AMACR: variants seen among roughly 807,000 people sequenced by gnomAD.
The protein encoded by AMACR is alpha-methylacyl-CoA racemase.
A neutral mutation model predicts 22.2 loss-of-function variants in AMACR; 18 were observed. The observed-to-expected ratio is 0.81, with a 90% CI of 0.56 to 1.20. AMACR has a LOEUF of 1.20. AMACR is among the 50% of genes most tolerant of loss of function. AMACR has a pLI of 0.00. For missense variants in AMACR, 499 were observed against 490.6 expected, an observed-to-expected ratio of 1.02 and a Z score of -0.16; for synonymous variants, 213 against 191.3, an observed-to-expected ratio of 1.11 and a Z score of -0.94.
In AMACR at chr5:34,007,934, G is replaced by C. The variant is rs773277129; in HGVS notation, c.86C>G (p.Ala29Gly). 8 of 1,610,278 alleles carry C rather than the reference G, an allele frequency of 5.0e-6. No homozygotes were observed. In the Admixed American group the frequency reaches 8.3e-5, roughly 17 times the overall value. The change falls in exon 1 of 5, where the codon GCG becomes GGG. Residue 29 changes from alanine (A) to glycine (G), a missense_variant. Ala to Gly is a moderately conservative substitution (Grantham distance 60). Transcript: ENST00000335606. The stretch of plus-strand genomic sequence containing the variant: ...GGGCCGGTCCACGCGTACCACACGC[G>C]CCCCGAAGTCAGCCAGGACCATAGC... Reference protein sequence around the residue: ...FCAMVLADFGARVVRVDRPGS... With the variant: ...FCAMVLADFGGRVVRVDRPGS...
At position 33,988,385 on chromosome 5, in the gene AMACR, A is replaced by C. The variant is rs988370179; in HGVS notation, c.*708T>G. 6.5e-7 allele frequency: 1 copy of C among 1,538,144 alleles called. No individual in the cohort carries two copies. The highest frequency in any genetic ancestry group is 8.7e-7 in the Non-Finnish European group (1 of 1,147,428). On this transcript the variant is annotated 3_prime_UTR_variant, in exon 5 of 5. Coordinates refer to ENST00000335606, the MANE Select transcript of AMACR (RefSeq NM_014324.6). ...GCCTGAGGAGAAATCAAACACATGG[A>C]GAAAGGAAAGCTGACAGCCCAGAGA...
rs770311997 is a variant in AMACR, at chr5:33,989,059, G to A, written c.*34C>T. ...TGTGTTACTCTACACTGTAAATGCA[G>A]TATTCAAATTCACTTGAGCCGTGGG... On this transcript the variant is annotated 3_prime_UTR_variant, in exon 5 of 5. Transcript: ENST00000335606. 6.2e-7 allele frequency: 1 copy of A among 1,613,578 alleles called. No individual in the cohort carries two copies. The highest frequency in any genetic ancestry group is 8.5e-7 in the Non-Finnish European group (1 of 1,179,906).
chr5:34,003,079 T>TG (rs1753867129), intron 3 of AMACR, among the ~76,000 whole-genome samples: 1 of 152,242 alleles, frequency 6.6e-6, no homozygotes, highest in Non-Finnish European at 1.5e-5. Flanking sequence ...TTTGACCCTC[T>TG]GACCACTCCT....
At position 33,989,057 on chromosome 5, in the gene AMACR, C is replaced by G; in HGVS notation, c.*36G>C. The G allele has an allele frequency of 6.2e-7, 1 of 1,613,446 alleles. No homozygotes were observed. Among genetic ancestry groups the G allele is most frequent in the Non-Finnish European group, 8.5e-7 (1 of 1,179,878 alleles). ...TATGTGTTACTCTACACTGTAAATGCAGTATTCAAATTCACTTGAGCCGTG... is the reference window on the plus strand; with the variant it reads ...TATGTGTTACTCTACACTGTAAATGGAGTATTCAAATTCACTTGAGCCGTG... On this transcript the variant is annotated 3_prime_UTR_variant, in exon 5 of 5. Coordinates refer to ENST00000335606, the MANE Select transcript of AMACR (RefSeq NM_014324.6).
intron 2 of AMACR, among the ~76,000 whole-genome samples, chr5:34,005,308 G>A (rs1753937276): frequency 8.3e-6 from 1 of 120,762 alleles, no homozygotes; most frequent in South Asian, 2.2e-4. Context: ...AAAACCATGG[G>A]CTTTTTTTAG....
At chr5:33,997,733 T>A (rs3756460) in intron 4 of AMACR, 1 of 560,742 alleles carries the variant, frequency 1.8e-6, no homozygotes, top group Non-Finnish European at 3.2e-6. Flanking sequence ...TCTTCTATAG[T>A]TTTTCCAACT....
rs1753409460 is a variant in AMACR, at chr5:33,989,468, C to T, written c.774G>A (p.Gln258=). The part of the protein sequence containing the change: ...LGLKSDELPN[Q]MSMDDWPEMK... ...TTTCTGGCCAATCATCCATGCTCAT[C>T]TGATTGGGAAGTTCATCAGACTTTA... is the stretch of plus-strand genomic sequence containing the variant. The change falls in exon 5 of 5, where the codon CAG becomes CAA. Residue 258 remains glutamine, a synonymous_variant. Transcript: ENST00000335606. 2 of 1,614,186 alleles carry T rather than the reference C, an allele frequency of 1.2e-6. No homozygotes were observed. The highest frequency in any genetic ancestry group is 4.5e-5 in the East Asian group (2 of 44,894).
At chr5:34,001,651 A>G (rs1258095583) in intron 3 of AMACR, among the ~76,000 whole-genome samples, 2 of 152,258 alleles carry the variant, frequency 1.3e-5, no homozygotes, top group Admixed American at 6.5e-5. Flanking sequence ...GAGTGTAAAT[A>G]CAGCAAAACG....
At position 33,998,790 on chromosome 5, in the gene AMACR, T is replaced by G; in HGVS notation, c.590A>C (p.Lys197Thr). Residue 197 changes from lysine (K) to threonine (T), a missense_variant, in exon 4 of 5, where the codon AAA (lysine) becomes ACA (threonine). Transcript: ENST00000335606. Reference protein sequence around the residue: ...GTAYLSSFLWKTQKLSLWEAP... With the variant: ...GTAYLSSFLWTTQKLSLWEAP... ...TTCCCACAGACTCAATTTCTGAGTT[T>G]TCCACAGAAAAGAACTTAAATATGC... 1.9e-6 allele frequency: 3 copies of G among 1,614,112 alleles called. No homozygotes were observed. Among genetic ancestry groups the G allele is most frequent in the Non-Finnish European group, 2.5e-6 (3 of 1,180,000 alleles).
At chr5:33,990,221 C>T (rs1753434680) in intron 4 of AMACR, among the ~76,000 whole-genome samples, 1 of 152,182 alleles carries the variant, frequency 6.6e-6, no homozygotes, top group Non-Finnish European at 1.5e-5. Flanking sequence ...GGGCTTTGTA[C>T]TAGGATGAAG....
Position 33,989,394 on chromosome 5 carries a change from C to G in AMACR, c.848G>C (p.Trp283Ser), listed in dbSNP as rs944463227. ...DVFAEKTKAEWCQIFDGTDAC... is the reference protein window; with the variant it reads ...DVFAEKTKAESCQIFDGTDAC... ...ATCTGTGCCGTCAAAGATTTGACAC[C>G]ACTCTGCCTTCGTCTTCTCTGCAAA... Residue 283 changes from tryptophan to serine, a missense_variant, in exon 5 of 5, where the codon TGG becomes TCG. By Grantham distance (177) the Trp-to-Ser change is radical. Transcript: ENST00000335606. 5 of 1,614,070 alleles carry G rather than the reference C, an allele frequency of 3.1e-6. No individual in the cohort carries two copies. In the Admixed American group the frequency reaches 6.7e-5, roughly 22 times the overall value.
chr5:33,997,804 A>G (rs904887633), intron 4 of AMACR: 1 of 453,914 alleles, frequency 2.2e-6, no homozygotes, highest in African/African-American at 2.0e-5. Context: ...GCTTGCAAAA[A>G]CAATTACTCC....
intron 4 of AMACR, among the ~76,000 whole-genome samples, chr5:33,994,898 C>A (rs34725572): frequency 4.5e-4 from 69 of 152,288 alleles, no homozygotes; most frequent in African/African-American, 1.6e-3. Flanking sequence ...TCCAGGAAGG[C>A]TCATTCATTG....
In AMACR at chr5:33,986,173, T is replaced by C. The variant is rs1279691841; in HGVS notation, c.*2920A>G. On this transcript the variant is annotated 3_prime_UTR_variant, in exon 5 of 5. Coordinates refer to ENST00000335606, the MANE Select transcript of AMACR (RefSeq NM_014324.6). ...ATGTAAATAAATTGATATCTTTTCA[T>C]AAACTTTTTATAAATATAGACATTC... The C allele has an allele frequency of 6.6e-6, 1 of 152,238 alleles. No individual in the cohort carries two copies. Among genetic ancestry groups the C allele is most frequent in the African/African-American group, 2.4e-5 (1 of 41,456 alleles). The allele number at this position is 152,238 out of a possible 1,614,324, so 9.4% of individuals were successfully genotyped here.
In AMACR at chr5:33,989,217, CT is replaced by C. The variant is rs1753395046; in HGVS notation, c.1024del (p.Arg342GlyfsTer5). 6.2e-7 allele frequency: 1 copy of C among 1,614,146 alleles called. No individual in the cohort carries two copies. The highest frequency in any genetic ancestry group is 1.7e-5 in the Admixed American group (1 of 60,018). On this transcript the variant is annotated frameshift_variant, in exon 5 of 5. Coordinates refer to ENST00000335606, the MANE Select transcript of AMACR (RefSeq NM_014324.6). LOFTEE classifies it low-confidence loss of function (END_TRUNC). ...LNTPAIPSFK[R>X]DPFIGEHTEE... Reference sequence around the variant, plus strand: ...AGTGTGTTCTCCTATGAAAGGATCCCTTTTGAAAGAAGGGATGGCTGGGGTG... The same window carrying C: ...AGTGTGTTCTCCTATGAAAGGATCCCTTTGAAAGAAGGGATGGCTGGGGTG...
At chr5:34,000,972 T>C (rs1182995691) in intron 3 of AMACR, among the ~76,000 whole-genome samples, 1 of 152,170 alleles carries the variant, frequency 6.6e-6, no homozygotes, top group Non-Finnish European at 1.5e-5. Flanking sequence ...ACAGATCCAG[T>C]TGGGTCCACT....
intron 4 of AMACR, among the ~76,000 whole-genome samples, chr5:33,996,637 T>TAGCCAGG (rs61126242): frequency 0.18 from 27,199 of 151,820 alleles, 6,173 homozygotes; most frequent in African/African-American, 0.51. Context: ...AATAAAAAAT[T>TAGCCAGG]TTGCCTATAG....
In AMACR at chr5:34,007,967, G is replaced by A; in HGVS notation, c.53C>T (p.Pro18Leu). ...GTCAGCCAGGACCATAGCACAGAAC[G>A]GGCCCGGGGCCAGGCCGGACAGCTC... The part of the protein sequence containing the change: ...VVELSGLAPG[P>L]FCAMVLADFG... The change falls in exon 1 of 5, where the codon CCG (proline) becomes CTG (leucine). Residue 18 changes from proline to leucine, a missense_variant. Physicochemically the swap from Pro to Leu is moderately conservative, Grantham distance 98 (BLOSUM62 -3). Transcript: ENST00000335606. 2 of 1,611,504 alleles carry A rather than the reference G, an allele frequency of 1.2e-6. No homozygotes were observed. Among genetic ancestry groups the A allele is most frequent in the Non-Finnish European group, 8.5e-7 (1 of 1,179,620 alleles).
chr5:33,997,416 T>C, intron 4 of AMACR: 2 of 778,040 alleles, frequency 2.6e-6, no homozygotes, highest in Non-Finnish European at 4.8e-6. Context: ...ACCCCATGAC[T>C]TGGGCTGCAA....
Sources: allele counts gnomAD v4.1 joint callset (sites outside exome capture counted in the v4.1 genomes callset), GRCh38; gene constraint gnomAD v4.1.1; transcripts MANE v1.5; gene names NCBI Gene and HGNC (gene_info 2026-07-23, HGNC 2026-07-21).